The following TET3 variants were observed in gnomAD, a reference collection of about 807,000 sequenced individuals.
TET3 encodes the protein methylcytosine dioxygenase TET3.
TET3 carries 19 observed loss-of-function variants against 141.4 expected under a neutral mutation model. The ratio of observed to expected loss-of-function variants is 0.13; its 90% confidence interval spans 0.09 to 0.20. The LOEUF (loss-of-function observed/expected upper bound fraction) is 0.20. Ranked by LOEUF, TET3 falls within the 10% of genes least tolerant of loss-of-function variation. The pLI is 1.00. For missense variants in TET3, 1,874 were observed against 2,356.9 expected (o/e 0.80, Z 4.24); for synonymous variants, 1,043 against 980.9 (o/e 1.06, Z -1.18).
At chr2:74,008,019 C>T (rs1055228452) in intron 3 of TET3, among the ~76,000 whole-genome samples, 2 of 152,108 alleles carry the variant, frequency 1.3e-5, no homozygotes, top group Non-Finnish European at 2.9e-5. Context: ...AAGGCTTCCT[C>T]TTGGTTCCTG....
chr2:74,130,094 C>CAAAA, the TET3 span, among the ~76,000 whole-genome samples: 2 of 126,660 alleles, frequency 1.6e-5, no homozygotes, highest in African/African-American at 3.0e-5. Context: ...GAGTCTGTCT[C>CAAAA]AAAAAAAAAA....
intron 10 of TET3, among the ~76,000 whole-genome samples, chr2:74,094,086 G>C (rs960389094): frequency 6.6e-6 from 1 of 152,232 alleles, no homozygotes; most frequent in Non-Finnish European, 1.5e-5. Context: ...CAAAGTTCCT[G>C]CCCAAGTATG....
chr2:74,095,187 A>T (rs1336574615), intron 10 of TET3, among the ~76,000 whole-genome samples: 1 of 152,142 alleles, frequency 6.6e-6, no homozygotes, highest in East Asian at 1.9e-4. Flanking sequence ...CCCCCTGGGG[A>T]TTGATGGACC....
At chr2:74,021,006 C>G (rs139296321) in intron 3 of TET3, among the ~76,000 whole-genome samples, 37 of 152,314 alleles carry the variant, frequency 2.4e-4, no homozygotes, top group African/African-American at 8.9e-4. Context: ...TCTGGCTCCT[C>G]TGCTGGTTTG....
Position 73,986,083 on chromosome 2 carries a change from C to T in TET3, c.-321C>T, listed in dbSNP as rs2105054944. ...ACACCCCTACCTGCTCAACTCATGCCTGGGTCCAGGGTGGGTGAGGGTGAA... is the reference window on the plus strand; with the variant it reads ...ACACCCCTACCTGCTCAACTCATGCTTGGGTCCAGGGTGGGTGAGGGTGAA... On this transcript the variant is annotated 5_prime_UTR_variant, in exon 2 of 12. Coordinates refer to ENST00000409262, the MANE Select transcript of TET3 (RefSeq NM_001287491.2). 4.2e-6 allele frequency: 1 copy of T among 235,374 alleles called. No homozygotes were observed. Among genetic ancestry groups the T allele is most frequent in the Non-Finnish European group, 8.1e-6 (1 of 122,862 alleles). The allele number at this position is 235,374 out of a possible 1,614,324, so 14.6% of individuals were successfully genotyped here. A position where few individuals can be genotyped will look rare whatever the true frequency, so the allele number is the denominator to read the frequency against.
chr2:73,983,677 G>T (rs1683864114), upstream of TET3, among the ~76,000 whole-genome samples: 1 of 152,174 alleles, frequency 6.6e-6, no homozygotes, highest in Non-Finnish European at 1.5e-5. Flanking sequence ...CTAAATAGCC[G>T]GCCGAATGCT....
At chr2:74,127,567 C>T in the TET3 span, among the ~76,000 whole-genome samples, 1 of 152,168 alleles carries the variant, frequency 6.6e-6, no homozygotes, top group Non-Finnish European at 1.5e-5. Context: ...CATCCTATAT[C>T]AGATGATGAA....
At chr2:74,017,961 C>CTTTTTTTTT (rs35319685) in intron 3 of TET3, among the ~76,000 whole-genome samples, 3 of 97,214 alleles carry the variant, frequency 3.1e-5, no homozygotes, top group Non-Finnish European at 5.7e-5. Flanking sequence ...TCTTCTGTCT[C>CTTTTTTTTT]TTTTTTTTTT....
At chr2:74,031,271 G>A (rs1686671087) in intron 3 of TET3, among the ~76,000 whole-genome samples, 1 of 152,030 alleles carries the variant, frequency 6.6e-6, no homozygotes, top group Non-Finnish European at 1.5e-5. Flanking sequence ...TAACCGGCAG[G>A]GTCACGGAAA....
intron 4 of TET3, among the ~76,000 whole-genome samples, chr2:74,053,089 G>A (rs1365875452): frequency 1.3e-5 from 2 of 152,120 alleles, no homozygotes; most frequent in African/African-American, 4.8e-5. Context: ...AAGCTTCAAA[G>A]AAGTAAACTT....
rs768302574 is a variant in TET3, at chr2:74,100,509, T to G, written c.3721T>G (p.Ser1241Ala). The change falls in exon 12 of 12, where the codon TCG becomes GCG. Residue 1241 changes from serine to alanine, a missense_variant. Ser to Ala is a moderately conservative substitution (Grantham distance 99). Transcript: ENST00000409262. ...CGGCAACGCGGTGGTGGAGAGCTAC[T>G]CGGTGCTGGGCAACTGCCGGCCCTC... ...YSGNAVVESY[S>A]VLGNCRPSDP... The G allele has an allele frequency of 2.5e-6, 4 of 1,606,880 alleles. No homozygotes were observed. The highest frequency in any genetic ancestry group is 3.4e-6 in the Non-Finnish European group (4 of 1,176,780).
At position 74,024,799 on chromosome 2, in the gene TET3, A is replaced by G. The variant is rs1230671016; in HGVS notation, c.361-21479A>G. On this transcript the variant is annotated intron_variant, in intron 3 of 11. Coordinates refer to ENST00000409262, the MANE Select transcript of TET3 (RefSeq NM_001287491.2). ...ATATTTTTTATTTCGGCATAATTTC[A>G]GAGTTTTACAAAAGTTGCAGGAATA... 2.6e-5 allele frequency among the ~76,000 whole-genome samples: 4 copies of G among 152,316 alleles called. No homozygotes were observed. In the East Asian group the frequency reaches 7.7e-4, roughly 29 times the overall value.
intron 2 of TET3, among the ~76,000 whole-genome samples, chr2:73,992,133 C>T: frequency 6.6e-6 from 1 of 152,010 alleles, no homozygotes; most frequent in East Asian, 1.9e-4. Flanking sequence ...AAGAGGTAGG[C>T]TTACAACTTT....
At chr2:74,072,672 G>A (rs1445299049) in intron 4 of TET3, among the ~76,000 whole-genome samples, 2 of 152,022 alleles carry the variant, frequency 1.3e-5, no homozygotes, top group Non-Finnish European at 2.9e-5. Context: ...ACAATATTGT[G>A]CAACTGACAC....
chr2:74,019,401 T>C (rs1685910368), intron 3 of TET3, among the ~76,000 whole-genome samples: 1 of 152,244 alleles, frequency 6.6e-6, no homozygotes, highest in East Asian at 1.9e-4. Flanking sequence ...TTGTATCCCA[T>C]CTTTGCCCGC....
At chr2:74,116,079 A>C in the TET3 span, among the ~76,000 whole-genome samples, 8 of 152,234 alleles carry the variant, frequency 5.3e-5, no homozygotes, top group East Asian at 1.2e-3. Context: ...TCTCAAAAGA[A>C]GACATACAAA....
At position 74,046,661 on chromosome 2, in the gene TET3, T is replaced by C; in HGVS notation, c.744T>C (p.Ala248=). ...GGCCAGGGCCTGAGGGCTGCTCTGC[T>C]GGCAGCGAAGACCTTGACACACTGC... ...GPRPGPEGCS[A]GSEDLDTLQT... Residue 248 remains alanine, a synonymous_variant, in exon 4 of 12, where the codon GCT becomes GCC. Transcript: ENST00000409262. This position sits in a 1 kb window ranked among gnomAD's most constrained non-coding sequence, Gnocchi z 4.3. 6.2e-7 allele frequency: 1 copy of C among 1,614,068 alleles called. No homozygotes were observed.
rs1218475180 is a variant in TET3, at chr2:74,047,769, C to G, written c.1852C>G (p.Gln618Glu). 6.2e-7 allele frequency: 1 copy of G among 1,613,830 alleles called. No homozygotes were observed. The highest frequency in any genetic ancestry group is 8.5e-7 in the Non-Finnish European group (1 of 1,179,826). ...CAAGAAGTCCAGGCCCCGGGAAGCA[C>G]AGCCCCTCTTCCCACCTGTCCGACA... ...QIKKSRPREA[Q>E]PLFPPVRQIV... The change falls in exon 4 of 12, where the codon CAG (glutamine) becomes GAG (glutamate). Residue 618 changes from glutamine to glutamate, a missense_variant. Gln to Glu is a conservative substitution (Grantham distance 29, BLOSUM62 2). This residue lies in a region of TET3 where 484 missense variants were observed against 462.2 expected (regional missense o/e 1.05). Transcript: ENST00000409262.
In TET3 at chr2:74,104,014, A is replaced by G. The variant is rs1236837757; in HGVS notation, c.*1838A>G. On this transcript the variant is annotated 3_prime_UTR_variant, in exon 12 of 12. Coordinates refer to ENST00000409262, the MANE Select transcript of TET3 (RefSeq NM_001287491.2). Reference sequence around the variant, plus strand: ...AACCGGCCTGCTGGGTGTTTACTGTATCTGTTTGGAAGCACTGGCGGAGGG... The same window carrying G: ...AACCGGCCTGCTGGGTGTTTACTGTGTCTGTTTGGAAGCACTGGCGGAGGG... 6.5e-6 allele frequency: 1 copy of G among 153,702 alleles called. No individual in the cohort carries two copies. The highest frequency in any genetic ancestry group is 2.4e-5 in the African/African-American group (1 of 41,418). 9.5% of individuals were successfully genotyped at this position (153,702 alleles called of 1,614,324 possible). A position where few individuals can be genotyped will look rare whatever the true frequency, so the allele number is the denominator to read the frequency against.
Sources: allele counts gnomAD v4.1 joint callset (sites outside exome capture counted in the v4.1 genomes callset), GRCh38; gene constraint gnomAD v4.1.1; regional missense constraint gnomAD v4.1.1; non-coding constraint Gnocchi (gnomAD v3.1); transcripts MANE v1.5; gene names NCBI Gene and HGNC (gene_info 2026-07-23, HGNC 2026-07-21).